Variants in ZPBP observed in about 807,000 individuals in gnomAD.
ZPBP encodes zona pellucida-binding protein 1.
Under a neutral mutation model 44.8 loss-of-function variants are expected in ZPBP, and 26 were observed. That is an observed-to-expected ratio of 0.58 (90% CI 0.43 to 0.81). The LOEUF is 0.81. Among genes scored for constraint, ZPBP ranks in the 30% least tolerant of loss-of-function variants. The pLI is 0.00. For synonymous variants in ZPBP, 174 were observed against 153.2 expected (o/e 1.14, Z -1.00); for missense variants, 409 against 434.0 (o/e 0.94, Z 0.51).
At chr7:49,872,040 T>A (rs1334814791) in intron 2 of ZPBP, among the ~76,000 whole-genome samples, 2 of 145,712 alleles carry the variant, frequency 1.4e-5, no homozygotes, top group East Asian at 4.1e-4. Context: ...AGAAAAAAAT[T>A]AATAAACTAA....
intron 2 of ZPBP, among the ~76,000 whole-genome samples, chr7:49,888,231 C>T (rs1243291264): frequency 1.3e-5 from 2 of 152,160 alleles, no homozygotes; most frequent in Non-Finnish European, 2.9e-5. Flanking sequence ...CACTAAGTTT[C>T]CTTTTTCCTT....
At chr7:50,047,556 C>T (rs1266308766) in intron 4 of ZPBP, among the ~76,000 whole-genome samples, 2 of 151,586 alleles carry the variant, frequency 1.3e-5, no homozygotes, top group African/African-American at 4.9e-5. Flanking sequence ...TGGAGAATAG[C>T]CTTACATGAT....
At chr7:49,841,138 C>G in the ZPBP span, among the ~76,000 whole-genome samples, 1 of 152,152 alleles carries the variant, frequency 6.6e-6, no homozygotes, top group African/African-American at 2.4e-5. Context: ...GCTGTCTGTT[C>G]TGGCCCAGGA....
intron 2 of ZPBP, among the ~76,000 whole-genome samples, chr7:49,897,158 G>A (rs917015157): frequency 6.6e-6 from 1 of 151,984 alleles, no homozygotes; most frequent in African/African-American, 2.4e-5. Context: ...GCCTCCCAAA[G>A]TGCTGGGATT....
In ZPBP at chr7:50,031,099, T is replaced by C. The variant is rs374294939; in HGVS notation, c.699A>G (p.Ala233=). ...RAGLQNELFF[A]FSVSSLDTEK... ...CAAATTGTATAGACTTACCTGAAAA[T>C]GCAAAGAACAATTCATTTTGCAAAC... The change falls in exon 5 of 8, where the codon GCA becomes GCG. Residue 233 remains alanine (A), a synonymous_variant. Transcript: ENST00000046087. The C allele has an allele frequency of 9.3e-6, 15 of 1,613,276 alleles. No individual in the cohort carries two copies. The highest frequency in any genetic ancestry group is 1.7e-5 in the Admixed American group (1 of 59,962).
At chr7:50,064,522 G>A (rs1801405642) in intron 3 of ZPBP, among the ~76,000 whole-genome samples, 1 of 152,188 alleles carries the variant, frequency 6.6e-6, no homozygotes, top group Non-Finnish European at 1.5e-5. Flanking sequence ...TCGACCATAA[G>A]AGACAGCTAC....
chr7:50,069,795 C>G (rs1277237181), intron 3 of ZPBP, among the ~76,000 whole-genome samples: 3 of 152,120 alleles, frequency 2.0e-5, no homozygotes, highest in Admixed American at 6.5e-5. Flanking sequence ...GTTTCAGACA[C>G]TGCTCAGCCA....
At chr7:49,853,300 C>T (rs1307680686) in intron 2 of ZPBP, among the ~76,000 whole-genome samples, 1 of 152,236 alleles carries the variant, frequency 6.6e-6, no homozygotes, top group Non-Finnish European at 1.5e-5. Context: ...CTGTGGCCGG[C>T]CCCCAGCACT....
intron 7 of ZPBP, among the ~76,000 whole-genome samples, chr7:49,952,970 A>G (rs1279147771): frequency 1.3e-5 from 2 of 152,146 alleles, no homozygotes; most frequent in Non-Finnish European, 2.9e-5. Context: ...AATTCAATAT[A>G]CATGGAAAAA....
chr7:49,955,951 A>T (rs912860264), intron 7 of ZPBP, among the ~76,000 whole-genome samples: 1 of 152,206 alleles, frequency 6.6e-6, no homozygotes, highest in African/African-American at 2.4e-5. Flanking sequence ...TATATCAATT[A>T]ACCACTGAAT....
chr7:50,086,105 T>C (rs1283741795), intron 2 of ZPBP, among the ~76,000 whole-genome samples: 1 of 152,090 alleles, frequency 6.6e-6, no homozygotes. Flanking sequence ...TTAGCCTAAC[T>C]AAGCTAATTA....
At chr7:49,963,242 C>T (rs547108118) in intron 7 of ZPBP, among the ~76,000 whole-genome samples, 1 of 151,480 alleles carries the variant, frequency 6.6e-6, no homozygotes, top group East Asian at 1.9e-4. Flanking sequence ...ACAGAAAGCA[C>T]TCTGAGAATG....
At chr7:49,980,268 AAT>A (rs1796774132) in intron 7 of ZPBP, among the ~76,000 whole-genome samples, 1 of 106,630 alleles carries the variant, frequency 9.4e-6, no homozygotes, top group Non-Finnish European at 1.8e-5. Context: ...ATATAATATA[AAT>A]ATATAATATA....
chr7:49,932,592 G>C (rs1794484767), downstream of ZPBP, among the ~76,000 whole-genome samples: 1 of 152,152 alleles, frequency 6.6e-6, no homozygotes, highest in Non-Finnish European at 1.5e-5. Context: ...CAGGCTCATA[G>C]GCAGAAGGGA....
At chr7:49,897,905 C>G (rs935995262) in intron 2 of ZPBP, among the ~76,000 whole-genome samples, 1 of 152,160 alleles carries the variant, frequency 6.6e-6, no homozygotes, top group African/African-American at 2.4e-5. Flanking sequence ...GAGAAAAATT[C>G]GCTCACACTT....
At chr7:49,875,369 CAAAAAAAAAAA>C (rs71018432) in intron 2 of ZPBP, among the ~76,000 whole-genome samples, 10 of 19,016 alleles carry the variant, frequency 5.3e-4, no homozygotes, top group African/African-American at 1.6e-3. Context: ...GATTCTGACT[CAAAAAAAAAAA>C]AAAAAAAAAA....
intron 6 of ZPBP, among the ~76,000 whole-genome samples, chr7:49,989,557 G>T (rs1223522783): frequency 6.6e-6 from 1 of 152,170 alleles, no homozygotes; most frequent in African/African-American, 2.4e-5. Flanking sequence ...GTCCTATCAT[G>T]ATTTGTTTTT....
intron 3 of ZPBP, among the ~76,000 whole-genome samples, chr7:50,072,010 C>T (rs959113788): frequency 6.6e-6 from 1 of 152,186 alleles, no homozygotes; most frequent in East Asian, 1.9e-4. Flanking sequence ...CTAAAGGGCA[C>T]TTTGTCTTAT....
chr7:50,070,403 C>T (rs1427281755), intron 3 of ZPBP, among the ~76,000 whole-genome samples: 1 of 152,194 alleles, frequency 6.6e-6, no homozygotes, highest in Non-Finnish European at 1.5e-5. Context: ...CCTACAGCCC[C>T]GTACCTGGTT....
Sources: gnomAD v4.1 joint callset for allele counts (sites outside exome capture counted in the v4.1 genomes callset) on GRCh38, gnomAD v4.1.1 for gene constraint, MANE v1.5 for transcripts, NCBI Gene and HGNC (gene_info 2026-07-23, HGNC 2026-07-21) for gene names.